Variants in PTPRU observed in about 807,000 individuals in gnomAD.
The protein encoded by PTPRU is receptor-type tyrosine-protein phosphatase U.
A neutral mutation model predicts 166.3 loss-of-function variants in PTPRU; 69 were observed. The observed-to-expected ratio is 0.41, with a 90% confidence interval of 0.34 to 0.51. The LOEUF (loss-of-function observed/expected upper bound fraction) is 0.51, where lower values mean the gene tolerates loss of function less well. Ranked by LOEUF, PTPRU falls within the 20% of genes least tolerant of loss-of-function variation. The pLI, the probability that PTPRU is intolerant of heterozygous loss-of-function variation, is 0.09. For missense variants in PTPRU, 1,657 were observed against 2,013.7 expected, an observed-to-expected ratio of 0.82 and a Z score of 3.39; for synonymous variants, 793 against 814.0, an observed-to-expected ratio of 0.97 and a Z score of 0.44.
chr1:29,248,644 G>T (rs1684401455), intron 1 of PTPRU, among the ~76,000 whole-genome samples: 1 of 152,130 alleles, frequency 6.6e-6, no homozygotes, highest in South Asian at 2.1e-4. Context: ...GGTTGCAGCT[G>T]CAGCCGCATT....
intron 1 of PTPRU, among the ~76,000 whole-genome samples, chr1:29,251,940 T>G (rs911528333): frequency 6.6e-6 from 1 of 152,208 alleles, no homozygotes; most frequent in Admixed American, 6.5e-5. Context: ...CACCATGCTC[T>G]CTCTCTGTAC....
chr1:29,263,634 T>C (rs2151946563), intron 7 of PTPRU, among the ~76,000 whole-genome samples: 1 of 152,354 alleles, frequency 6.6e-6, no homozygotes, highest in Middle Eastern at 3.4e-3. Context: ...TTCTAGTTTC[T>C]CTGCATCCTT....
At chr1:29,250,133 C>T (rs1488067813) in intron 1 of PTPRU, among the ~76,000 whole-genome samples, 1 of 152,208 alleles carries the variant, frequency 6.6e-6, no homozygotes, top group Non-Finnish European at 1.5e-5. Flanking sequence ...GGCCTTTCCC[C>T]TCTACCTGGC....
At chr1:29,255,443 C>T (rs377536840) in intron 2 of PTPRU, 37 bp downstream of exon 2, 1 of 1,608,216 alleles carries the variant, frequency 6.2e-7, no homozygotes, top group Non-Finnish European at 8.5e-7. Flanking sequence ...CCCTTCTTCT[C>T]CTTCCAGAGG....
At chr1:29,252,410 G>A (rs1003960607) in intron 1 of PTPRU, among the ~76,000 whole-genome samples, 1 of 152,050 alleles carries the variant, frequency 6.6e-6, no homozygotes, top group Non-Finnish European at 1.5e-5. Flanking sequence ...TGGGACTATA[G>A]GCATGCGCCA....
chr1:29,259,539 C>G lies in PTPRU; in HGVS notation c.650C>G (p.Ala217Gly). ...SFQCMAAGRA[A>G]EAERFLLQRQ... ...CAGTGCATGGCCGCGGGCAGAGCGG[C>G]CGAGGCCGAACGCTTCCTCTTGCAA... The change falls in exon 5 of 30, where the codon GCC (alanine) becomes GGC (glycine). Residue 217 changes from alanine to glycine, a missense_variant. Transcript: ENST00000373779. 1 of 1,602,802 alleles carries G rather than the reference C, an allele frequency of 6.2e-7. No homozygotes were observed. The highest frequency in any genetic ancestry group is 1.1e-5 in the South Asian group (1 of 90,740).
chr1:29,319,215 C>T (rs759135856), intron 25 of PTPRU, among the ~76,000 whole-genome samples: 5 of 152,272 alleles, frequency 3.3e-5, no homozygotes, highest in South Asian at 4.1e-4. Flanking sequence ...CATGTAGTAC[C>T]GGGAAGATCT....
At chr1:29,302,008 A>T (rs1687154696) in intron 15 of PTPRU, among the ~76,000 whole-genome samples, 1 of 152,102 alleles carries the variant, frequency 6.6e-6, no homozygotes, top group Non-Finnish European at 1.5e-5. Flanking sequence ...GTTGGTTCCA[A>T]GTCTTAGAAG....
intron 15 of PTPRU, among the ~76,000 whole-genome samples, chr1:29,298,273 A>G (rs1686981001): frequency 7.6e-6 from 1 of 132,382 alleles, no homozygotes; most frequent in Non-Finnish European, 1.5e-5. Flanking sequence ...AAAAAAAAAA[A>G]GACAAAAAAA....
rs192813561 is a variant in PTPRU at position 29,323,032 on chromosome 1, C to T, written c.3829-339C>T. On this transcript the variant is annotated intron_variant, in intron 26 of 29. Transcript: ENST00000373779. The stretch of plus-strand genomic sequence containing the variant: ...CTGGGGTGGGTGGGAGTGATCCAGG[C>T]CTATTCCTGGAAGCAGGCAGCCTCA... 1.8e-4 allele frequency among the ~76,000 whole-genome samples: 28 copies of T among 152,250 alleles called. No homozygotes were observed. In the East Asian group the frequency reaches 5.0e-3, roughly 27 times the overall value.
chr1:29,244,904 G>A (rs967800292), intron 1 of PTPRU, among the ~76,000 whole-genome samples: 1 of 152,134 alleles, frequency 6.6e-6, no homozygotes, highest in African/African-American at 2.4e-5. Flanking sequence ...GCCCAGAAAA[G>A]TTTGTTCTTG....
At chr1:29,259,585 TGGCTGGG>T in intron 5 of PTPRU, 21 bp downstream of exon 5, 1 of 360,784 alleles carries the variant, frequency 2.8e-6, no homozygotes, top group South Asian at 2.1e-5. Flanking sequence ...GCGGTGATCT[TGGCTGGG>T]GGCGGGGTGG....
intron 1 of PTPRU, among the ~76,000 whole-genome samples, chr1:29,245,362 G>T (rs1019875876): frequency 6.6e-6 from 1 of 152,174 alleles, no homozygotes; most frequent in Admixed American, 6.5e-5. Context: ...AACTTGTGGG[G>T]TGAGCCAGCG....
In PTPRU at chr1:29,307,221, T is replaced by G. The variant is rs967974883; in HGVS notation, c.2820+1793T>G. 4 of 1,521,232 alleles carry G rather than the reference T, an allele frequency of 2.6e-6. No homozygotes were observed. The Admixed American group carries it at 5.1e-5, about 19-fold the overall frequency. 94.2% of individuals were successfully genotyped at this position (1,521,232 alleles called of 1,614,324 possible). A position where few individuals can be genotyped will look rare whatever the true frequency, so the allele number is the denominator to read the frequency against. Reference sequence around the variant, plus strand: ...CTGACTGGCTGTATCTCAGACTCTCTCACGGTCTCTGGCTGTCTGTCTCTC... The same window carrying G: ...CTGACTGGCTGTATCTCAGACTCTCGCACGGTCTCTGGCTGTCTGTCTCTC... On this transcript the variant is annotated intron_variant, in intron 18 of 29. Coordinates refer to ENST00000373779, the MANE Select transcript of PTPRU (RefSeq NM_133178.4).
Position 29,260,099 on chromosome 1 carries a change from G to A in PTPRU, c.850+55G>A. On this transcript the variant is annotated intron_variant, in intron 6 of 29. Transcript: ENST00000373779. This position sits in a 1 kb window ranked among gnomAD's most constrained non-coding sequence, Gnocchi z 8.3. The stretch of plus-strand genomic sequence containing the variant: ...GACCTCACCCTCGAGGGGCGGGGCC[G>A]GCGACGGGGGCGGGCTCTGCCCGGG... The A allele has an allele frequency of 2.2e-6, 3 of 1,347,726 alleles. No homozygotes were observed. Among genetic ancestry groups the A allele is most frequent in the East Asian group, 3.0e-5 (1 of 32,810 alleles). 83.5% of individuals were successfully genotyped at this position (1,347,726 alleles called of 1,614,324 possible).
intron 15 of PTPRU, among the ~76,000 whole-genome samples, chr1:29,297,783 G>A (rs1686960125): frequency 6.6e-6 from 1 of 152,232 alleles, no homozygotes; most frequent in African/African-American, 2.4e-5. Context: ...TGGGGAGTCA[G>A]GACTGACCCA....
Position 29,238,207 on chromosome 1 carries a change from C to T in PTPRU, c.73+1490C>T, listed in dbSNP as rs1230101639. 6.6e-6 allele frequency among the ~76,000 whole-genome samples: 1 copy of T among 151,358 alleles called. No individual in the cohort carries two copies. The highest frequency in any genetic ancestry group is 1.5e-5 in the Non-Finnish European group (1 of 67,786). On this transcript the variant is annotated intron_variant, in intron 1 of 29. Transcript: ENST00000373779. This position sits in a 1 kb window ranked among gnomAD's most constrained non-coding sequence, Gnocchi z 6.1. Reference sequence around the variant, plus strand: ...GTGCGCGCAGCTGAATGTATGTATACGGAGCCTGTGTTTGTGTGTCCGTGT... The same window carrying T: ...GTGCGCGCAGCTGAATGTATGTATATGGAGCCTGTGTTTGTGTGTCCGTGT...
chr1:29,311,804 G>T lies in PTPRU; in HGVS notation c.3072+45G>T, dbSNP rs1039058311. ...GTTCCCTGCAGAGGGTGCCTGAGCA[G>T]GGATTAGAGCCCACTCCCACTTCCC... On this transcript the variant is annotated intron_variant, in intron 21 of 29. Coordinates refer to ENST00000373779, the MANE Select transcript of PTPRU (RefSeq NM_133178.4). The surrounding 1 kb of genome is among the most constrained non-coding windows in gnomAD (Gnocchi z 4.1). The T allele has an allele frequency of 6.4e-7, 1 of 1,568,426 alleles. No homozygotes were observed. Among genetic ancestry groups the T allele is most frequent in the Admixed American group, 1.7e-5 (1 of 59,328 alleles).
chr1:29,284,950 G>A (rs2151954915), intron 14 of PTPRU, 81 bp downstream of exon 14: 2 of 1,511,172 alleles, frequency 1.3e-6, no homozygotes, highest in Non-Finnish European at 1.8e-6. Flanking sequence ...GTGGCTAAGA[G>A]CTGGTAGGGC....
Sources: allele counts gnomAD v4.1 joint callset (sites outside exome capture counted in the v4.1 genomes callset), GRCh38; gene constraint gnomAD v4.1.1; non-coding constraint Gnocchi (gnomAD v3.1); transcripts MANE v1.5; gene names NCBI Gene and HGNC (gene_info 2026-07-23, HGNC 2026-07-21).